The following SPG7 variants were observed in gnomAD, a reference collection of about 807,000 sequenced individuals.
The protein encoded by SPG7 is mitochondrial inner membrane m-AAA protease component paraplegin.
A neutral mutation model predicts 81.9 loss-of-function variants in SPG7; 103 were observed. The observed-to-expected ratio is 1.26, with a 90% CI of 1.07 to 1.48. SPG7 has a LOEUF of 1.48. Among genes scored for constraint, SPG7 ranks in the 40% most tolerant of loss-of-function variants. SPG7 has a pLI of 0.00. For missense variants in SPG7, 1,241 were observed against 1,087.3 expected (o/e 1.14, Z -1.99); for synonymous variants, 534 against 444.2 (o/e 1.20, Z -2.54).
rs1444530730 is a variant in SPG7, at chr16:89,536,625, GGGCGGGTGA to G, written c.1324+3996_1324+4004del. On this transcript the variant is annotated intron_variant, in intron 9 of 16. Transcript: ENST00000645818. Reference sequence around the variant, plus strand: ...GAGGTGAGGTGGGTGAGGCGGGTGAGGGCGGGTGAGGCGGGCGAGGTGGGCGAGGCAGGC... The same window carrying G: ...GAGGTGAGGTGGGTGAGGCGGGTGAGGGCGGGCGAGGTGGGCGAGGCAGGC... 18 of 965,494 alleles carry G rather than the reference GGGCGGGTGA, an allele frequency of 1.9e-5. 1 individual carries two copies. Among genetic ancestry groups the G allele is most frequent in the African/African-American group, 5.6e-5 (3 of 53,414 alleles). The allele number at this position is 965,494 out of a possible 1,614,324, so 59.8% of individuals were successfully genotyped here. A position where few individuals can be genotyped will look rare whatever the true frequency, so the allele number is the denominator to read the frequency against.
chr16:89,529,826 T>A, intron 6 of SPG7: 1 of 556,912 alleles, frequency 1.8e-6, no homozygotes, highest in South Asian at 2.0e-5. Flanking sequence ...TACAGGGCAG[T>A]TGAATCTGCG....
Position 89,554,577 on chromosome 16 carries a change from C to T in SPG7, c.2181+14C>T, listed in dbSNP as rs778828075. 1 of 1,595,484 alleles carries T rather than the reference C, an allele frequency of 6.3e-7. No individual in the cohort carries two copies. Among genetic ancestry groups the T allele is most frequent in the Non-Finnish European group, 8.6e-7 (1 of 1,169,576 alleles). On this transcript the variant is annotated intron_variant, in intron 16 of 16. Transcript: ENST00000645818. ...AAGTTGCAGGCGGTGAGGCCCTGGC[C>T]AGGCGTGGGGGCTACGGCGTCACAC... is the stretch of plus-strand genomic sequence containing the variant.
intron 9 of SPG7, 159 bp downstream of exon 9, chr16:89,532,795 G>A: frequency 1.1e-6 from 1 of 894,328 alleles, no homozygotes; most frequent in Non-Finnish European, 1.7e-6. Flanking sequence ...TAGAAATGTA[G>A]CTTTCAGACC....
intron 3 of SPG7, chr16:89,520,855 A>T (rs1176368510): frequency 6.6e-6 from 1 of 152,032 alleles, no homozygotes; most frequent in African/African-American, 2.4e-5. Flanking sequence ...GGAATTTCTT[A>T]TGGTTCGTTT....
At chr16:89,511,334 T>A (rs2058019356) in intron 2 of SPG7, among the ~76,000 whole-genome samples, 1 of 152,224 alleles carries the variant, frequency 6.6e-6, no homozygotes, top group African/African-American at 2.4e-5. Flanking sequence ...TAATGAAACC[T>A]TGTGACATTC....
intron 16 of SPG7, chr16:89,555,774 T>TTAGA: frequency 2.5e-6 from 1 of 398,238 alleles, no homozygotes; most frequent in Non-Finnish European, 4.4e-6. Flanking sequence ...TAACTGCTGC[T>TTAGA]TAGAACTCAG....
At chr16:89,528,482 T>TG (rs961802818) in intron 5 of SPG7, 1 of 151,208 alleles carries the variant, frequency 6.6e-6, no homozygotes, top group African/African-American at 2.4e-5. Context: ...GAACAGAAGA[T>TG]GGAGGGTTGG....
In SPG7 at chr16:89,536,655, C is replaced by CGGGCG. The variant is rs1460034249; in HGVS notation, c.1324+4019_1324+4020insGGGCG. The stretch of plus-strand genomic sequence containing the variant: ...GGTGAGGCGGGCGAGGTGGGCGAGG[C>CGGGCG]AGGCGAGGCGGGTGAGATCGGGCGA... On this transcript the variant is annotated intron_variant, in intron 9 of 16. Coordinates refer to ENST00000645818, the MANE Select transcript of SPG7 (RefSeq NM_003119.4). The CGGGCG allele has an allele frequency of 1.4e-4, 190 of 1,325,418 alleles. 3 individuals are homozygous for CGGGCG. The highest frequency in any genetic ancestry group is 2.6e-4 in the Middle Eastern group (1 of 3,826). 82.1% of individuals were successfully genotyped at this position (1,325,418 alleles called of 1,614,324 possible). A position where few individuals can be genotyped will look rare whatever the true frequency, so the allele number is the denominator to read the frequency against.
At chr16:89,530,583 G>C in intron 6 of SPG7, 100 bp from the exon 7 acceptor site, 1 of 1,368,120 alleles carries the variant, frequency 7.3e-7, no homozygotes, top group Non-Finnish European at 1.0e-6. Flanking sequence ...GGATGGAGAC[G>C]TGGGGTTGGG....
Position 89,553,122 on chromosome 16 carries a change from C to G in SPG7, c.1923C>G (p.Asn641Lys), listed in dbSNP as rs1482532650. Residue 641 changes from asparagine (N) to lysine (K), a missense_variant, in exon 14 of 17, where the codon AAC becomes AAG. By Grantham distance (94) the Asn-to-Lys change is moderately conservative. Transcript: ENST00000645818. ...GGRASEALSF[N>K]EVTSGAQDDL... ...GGGCCTCGGAAGCACTGTCCTTCAA[C>G]GAGGTCACTTCTGGTGAGGAGCAGC... 1 of 1,609,046 alleles carries G rather than the reference C, an allele frequency of 6.2e-7. No homozygotes were observed.
rs139927231 is a variant in SPG7, at chr16:89,552,720, T to G, written c.1780-259T>G. On this transcript the variant is annotated intron_variant, in intron 13 of 16. Transcript: ENST00000645818. ...TCAGCTGTCTTCTACGGGCCTTGTC[T>G]TCTTGACTCCCTGCCTGTCTAGTCA... 1,049 of 509,862 alleles carry G rather than the reference T, an allele frequency of 2.1e-3. 18 individuals are homozygous for G. The highest frequency in any genetic ancestry group is 0.017 in the African/African-American group (894 of 52,050). 31.6% of individuals were successfully genotyped at this position (509,862 alleles called of 1,614,324 possible). A position where few individuals can be genotyped will look rare whatever the true frequency, so the allele number is the denominator to read the frequency against.
At chr16:89,543,601 G>A (rs1027145920) in intron 9 of SPG7, 8 of 150,460 alleles carry the variant, frequency 5.3e-5, no homozygotes, top group Admixed American at 1.3e-4. Context: ...GCCTCCCAAA[G>A]TGCTGGGATT....
At chr16:89,544,980 T>C (rs111490223) in intron 10 of SPG7, 1 of 633,274 alleles carries the variant, frequency 1.6e-6, no homozygotes, top group African/African-American at 1.8e-5. Context: ...GCCCCCACAT[T>C]GGCTGCACGC....
intron 1 of SPG7, chr16:89,508,928 T>C (rs1197428920): frequency 1.8e-6 from 1 of 541,206 alleles, no homozygotes; most frequent in Non-Finnish European, 3.5e-6. Context: ...GGCGTAGCAC[T>C]AATTTACAGT....
chr16:89,550,644 G>T, intron 13 of SPG7, 35 bp downstream of exon 13: 1 of 1,469,376 alleles, frequency 6.8e-7, no homozygotes, highest in Non-Finnish European at 9.5e-7. Flanking sequence ...CACGGGCCTT[G>T]GCCAAAGGTG....
At chr16:89,547,882 G>T in intron 11 of SPG7, 121 bp from the exon 12 acceptor site, 3 of 789,786 alleles carry the variant, frequency 3.8e-6, no homozygotes, top group African/African-American at 3.4e-5. Flanking sequence ...CAAAGTGCTG[G>T]GATTACAGGG....
intron 9 of SPG7, chr16:89,537,021 G>A (rs2058434093): frequency 5.0e-6 from 8 of 1,610,076 alleles, no homozygotes; most frequent in South Asian, 1.1e-5. Flanking sequence ...TTCCGCCCCC[G>A]GATTTGCTCA....
intron 3 of SPG7, chr16:89,521,651 G>A (rs547618242): frequency 6.6e-6 from 1 of 152,374 alleles, no homozygotes; most frequent in Admixed American, 6.5e-5. Context: ...GCTCAGTTGG[G>A]AGGATCACTT....
At chr16:89,548,241 G>C (rs2058590466) in intron 12 of SPG7, 128 bp downstream of exon 12, 1 of 692,578 alleles carries the variant, frequency 1.4e-6, no homozygotes, top group African/African-American at 1.7e-5. Flanking sequence ...TTGCGTTTCA[G>C]TTCTGCGTAA....
Sources: gnomAD v4.1 joint callset for allele counts (sites outside exome capture counted in the v4.1 genomes callset) on GRCh38, gnomAD v4.1.1 for gene constraint, MANE v1.5 for transcripts, NCBI Gene and HGNC (gene_info 2026-07-23, HGNC 2026-07-21) for gene names.